TAF15: variants seen among roughly 807,000 people sequenced by gnomAD.
TAF15 encodes the protein TATA-binding protein-associated factor 2N.
A neutral mutation model predicts 102.5 loss-of-function variants in TAF15; 37 were observed. That is an observed-to-expected ratio of 0.36 (90% CI 0.28 to 0.47). The LOEUF (loss-of-function observed/expected upper bound fraction) is 0.47. TAF15 is among the 20% of genes least tolerant of loss of function. TAF15 has a pLI of 0.99. For missense variants in TAF15, 652 were observed against 760.7 expected (o/e 0.86, Z 1.68); for synonymous variants, 273 against 259.2 (o/e 1.05, Z -0.51).
chr17:35,814,227 G>C (rs770870972), intron 1 of TAF15, among the ~76,000 whole-genome samples: 8 of 151,604 alleles, frequency 5.3e-5, no homozygotes, highest in Non-Finnish European at 1.0e-4. Flanking sequence ...GTGCAGTGGC[G>C]CAATCTCGGC....
intron 5 of TAF15, 64 bp from the exon 6 acceptor site, chr17:35,822,576 G>C: frequency 6.6e-7 from 1 of 1,519,754 alleles, no homozygotes; most frequent in Admixed American, 1.9e-5. Context: ...ATCAGTTTCA[G>C]CCAACTTGCT....
chr17:35,823,089 A>G (rs1411758180), intron 6 of TAF15, among the ~76,000 whole-genome samples: 1 of 152,124 alleles, frequency 6.6e-6, no homozygotes. Context: ...CTGATCCTTG[A>G]CAATACTGCT....
At position 35,847,073 on chromosome 17, in the gene TAF15, G is replaced by T; in HGVS notation, c.*128G>T. 2.5e-6 allele frequency: 2 copies of T among 790,330 alleles called. No individual in the cohort carries two copies. The highest frequency in any genetic ancestry group is 2.2e-6 in the Non-Finnish European group (1 of 451,344). The allele number at this position is 790,330 out of a possible 1,614,324, so 49.0% of individuals were successfully genotyped here. On this transcript the variant is annotated 3_prime_UTR_variant, in exon 16 of 16. Transcript: ENST00000605844. ...AAGTGACATTTGGATTTTTATTTGG[G>T]TGGGAGGGCTGGGACAGTTTTTCTT...
rs2143771111 is a variant in TAF15, at chr17:35,824,059, A to T, written c.485-19A>T. 6.2e-7 allele frequency: 1 copy of T among 1,614,028 alleles called. No individual in the cohort carries two copies. The highest frequency in any genetic ancestry group is 1.3e-5 in the African/African-American group (1 of 75,028). ...GAAATGAGAGTGGTTATTTGTGTGT[A>T]ATATTTTCTTTTTTGTAGATGACCG... On this transcript the variant is annotated intron_variant, in intron 6 of 15. Coordinates refer to ENST00000605844, the MANE Select transcript of TAF15 (RefSeq NM_139215.3).
chr17:35,824,951 A>G (rs943027147), intron 7 of TAF15, among the ~76,000 whole-genome samples: 17 of 152,168 alleles, frequency 1.1e-4, no homozygotes, highest in Non-Finnish European at 1.9e-4. Flanking sequence ...AGTAGTTGAC[A>G]TCTGTCCTCA....
chr17:35,828,321 A>G (rs1322811462), intron 7 of TAF15, among the ~76,000 whole-genome samples: 1 of 152,278 alleles, frequency 6.6e-6, no homozygotes, highest in East Asian at 1.9e-4. Flanking sequence ...AATGTGACCC[A>G]TATAGTTAAT....
At chr17:35,836,094 G>A (rs2087471076) in intron 9 of TAF15, 38 bp from the exon 10 acceptor site, 2 of 1,357,004 alleles carry the variant, frequency 1.5e-6, no homozygotes, top group African/African-American at 2.9e-5. Context: ...TCATAACCAA[G>A]GAATATGTAA....
At chr17:35,818,423 A>G (rs1445946594) in intron 2 of TAF15, 2 of 152,398 alleles carry the variant, frequency 1.3e-5, no homozygotes, top group Middle Eastern at 3.4e-3. Context: ...GTTTGCATCA[A>G]TGAATATACC....
At chr17:35,824,709 G>A (rs1007219898) in intron 7 of TAF15, among the ~76,000 whole-genome samples, 1 of 152,168 alleles carries the variant, frequency 6.6e-6, no homozygotes, top group Non-Finnish European at 1.5e-5. Context: ...CTCTTCTTAA[G>A]TAAATAATTA....
At chr17:35,830,239 C>T (rs1173547530) in intron 7 of TAF15, 3 of 152,014 alleles carry the variant, frequency 2.0e-5, no homozygotes, top group African/African-American at 7.2e-5. Flanking sequence ...CACTGATGCT[C>T]AGGAGTTCGT....
chr17:35,816,366 G>C (rs1464309378), intron 1 of TAF15, among the ~76,000 whole-genome samples: 1 of 152,198 alleles, frequency 6.6e-6, no homozygotes, highest in Non-Finnish European at 1.5e-5. Flanking sequence ...TGGGCGTGGT[G>C]CTGCACACCT....
intron 11 of TAF15, among the ~76,000 whole-genome samples, chr17:35,841,317 T>G (rs1598549844): frequency 6.6e-6 from 1 of 152,256 alleles, no homozygotes; most frequent in Non-Finnish European, 1.5e-5. Flanking sequence ...GATAAATACG[T>G]ACATGTTACT....
In TAF15 at chr17:35,832,749, A is replaced by T. The variant is rs137879396; in HGVS notation, c.606-1158A>T. On this transcript the variant is annotated intron_variant, in intron 7 of 15. Coordinates refer to ENST00000605844, the MANE Select transcript of TAF15 (RefSeq NM_139215.3). Reference sequence around the variant, plus strand: ...AGGATTACAGAATTCAGTTAAGAGAAACAAGCTTTTATTGGATGGGTATTT... The same window carrying T: ...AGGATTACAGAATTCAGTTAAGAGATACAAGCTTTTATTGGATGGGTATTT... 2.8e-3 allele frequency among the ~76,000 whole-genome samples: 424 copies of T among 152,330 alleles called. 5 individuals carry two copies. Among genetic ancestry groups the T allele is most frequent in the African/African-American group, 9.9e-3 (411 of 41,572 alleles).
intron 11 of TAF15, among the ~76,000 whole-genome samples, chr17:35,839,446 A>G (rs979859845): frequency 6.1e-5 from 8 of 131,270 alleles, no homozygotes; most frequent in African/African-American, 2.5e-4. Flanking sequence ...CAGTGGCGCA[A>G]TCTCGGCTCA....
Position 35,844,887 on chromosome 17 carries a change from G to C in TAF15, c.1588G>C (p.Gly530Arg), listed in dbSNP as rs767417430. The C allele has an allele frequency of 3.1e-6, 5 of 1,613,058 alleles. No homozygotes were observed. The highest frequency in any genetic ancestry group is 3.4e-6 in the Non-Finnish European group (4 of 1,179,508). Residue 530 changes from glycine to arginine, a missense_variant, in exon 15 of 16, where the codon GGC becomes CGC. Physicochemically the swap from Gly to Arg is moderately radical, Grantham distance 125. Around this residue, in one of 3 missense-constraint regions of TAF15, gnomAD observed 368 missense variants for 367.5 expected, o/e 1.00. Transcript: ENST00000605844. ...GGYGGDRSRG[G>R]YGGDRGGGSG... ...CTATGGAGGAGACAGAAGCCGGGGG[G>C]GCTATGGAGGAGACCGTGGTGGTGG...
chr17:35,840,777 T>G (rs1420715135), intron 11 of TAF15, among the ~76,000 whole-genome samples: 1 of 151,978 alleles, frequency 6.6e-6, no homozygotes, highest in Non-Finnish European at 1.5e-5. Flanking sequence ...GGCAGGAGAC[T>G]TGCTTGAACC....
chr17:35,844,350 T>G lies in TAF15; in HGVS notation c.1159T>G (p.Ser387Ala). The G allele has an allele frequency of 1.2e-6, 2 of 1,614,210 alleles. No individual in the cohort carries two copies. The highest frequency in any genetic ancestry group is 1.7e-6 in the Non-Finnish European group (2 of 1,180,024). The change falls in exon 14 of 16, where the codon TCT (serine) becomes GCT (alanine). Residue 387 changes from serine to alanine, a missense_variant. By Grantham distance (99) the Ser-to-Ala change is moderately conservative. Around this residue, in one of 3 missense-constraint regions of TAF15, gnomAD observed 368 missense variants for 367.5 expected, o/e 1.00. Transcript: ENST00000605844. Reference sequence around the variant, plus strand: ...GTGCAATGAGCCTAGACCAGAGGACTCTCGTCCCTCAGGAGGAGGTGGGTC... The same window carrying G: ...GTGCAATGAGCCTAGACCAGAGGACGCTCGTCCCTCAGGAGGAGGTGGGTC... Reference protein sequence around the residue: ...NQCNEPRPEDSRPSGGDFRGR... With the variant: ...NQCNEPRPEDARPSGGDFRGR...
intron 7 of TAF15, among the ~76,000 whole-genome samples, chr17:35,826,370 A>T (rs983948128): frequency 1.3e-5 from 2 of 152,044 alleles, no homozygotes; most frequent in African/African-American, 4.8e-5. Flanking sequence ...CTTTATATTG[A>T]GTTGGCAAGC....
At chr17:35,844,230 T>A (rs2087582013) in intron 13 of TAF15, 50 bp from the exon 14 acceptor site, 1 of 1,611,856 alleles carries the variant, frequency 6.2e-7, no homozygotes, top group Non-Finnish European at 8.5e-7. Context: ...AAAGGGGTTC[T>A]GAGTCCATTA....
Sources: gnomAD v4.1 joint callset for allele counts (sites outside exome capture counted in the v4.1 genomes callset) on GRCh38, gnomAD v4.1.1 for gene constraint, gnomAD v4.1.1 regional missense constraint, MANE v1.5 for transcripts, NCBI Gene and HGNC (gene_info 2026-07-23, HGNC 2026-07-21) for gene names.